KLHL32: variants seen among roughly 807,000 people sequenced by gnomAD.
KLHL32 encodes kelch like family member 32.
KLHL32 carries 35 observed loss-of-function variants against 64.8 expected under a neutral mutation model. That is an observed-to-expected ratio of 0.54 (90% CI 0.41 to 0.72). The LOEUF (loss-of-function observed/expected upper bound fraction) is 0.72. Ranked by LOEUF, KLHL32 falls within the 30% of genes least tolerant of loss-of-function variation. KLHL32 has a pLI of 0.00. For missense variants in KLHL32, 589 were observed against 768.5 expected, an observed-to-expected ratio of 0.77 and a Z score of 2.76; for synonymous variants, 259 against 281.0, an observed-to-expected ratio of 0.92 and a Z score of 0.78.
At chr6:96,945,536 A>G (rs779479622) in intron 1 of KLHL32, among the ~76,000 whole-genome samples, 1 of 152,192 alleles carries the variant, frequency 6.6e-6, no homozygotes, top group Non-Finnish European at 1.5e-5. Context: ...CCTTCACCCA[A>G]GCCTACTCAG....
chr6:97,086,775 G>C (rs955845885), intron 6 of KLHL32, among the ~76,000 whole-genome samples: 1 of 152,126 alleles, frequency 6.6e-6, no homozygotes, highest in South Asian at 2.1e-4. Flanking sequence ...ATTATCTCTG[G>C]CTCTCTCTTA....
Position 96,999,116 on chromosome 6 carries a change from T to C in KLHL32, c.204+22939T>C, listed in dbSNP as rs1263144786. 3.3e-5 allele frequency among the ~76,000 whole-genome samples: 5 copies of C among 152,270 alleles called. No homozygotes were observed. In the East Asian group the frequency reaches 9.6e-4, roughly 29 times the overall value. On this transcript the variant is annotated intron_variant, in intron 3 of 10. Transcript: ENST00000369261. ...ATTGCTTTCAAAAAGTATATTTCCC[T>C]TGGGCATGGATACTCATGCCTGTAA... is the stretch of plus-strand genomic sequence containing the variant.
intron 3 of KLHL32, among the ~76,000 whole-genome samples, chr6:97,015,421 C>A (rs1781023328): frequency 6.6e-6 from 1 of 152,160 alleles, no homozygotes; most frequent in South Asian, 2.1e-4. Context: ...ATGATGTAGA[C>A]AGTGAAGTCC....
chr6:96,949,055 C>G (rs1772257368), intron 1 of KLHL32, among the ~76,000 whole-genome samples: 1 of 152,154 alleles, frequency 6.6e-6, no homozygotes, highest in African/African-American at 2.4e-5. Flanking sequence ...ACAGTAAACA[C>G]CTGTTGACTC....
intron 4 of KLHL32, among the ~76,000 whole-genome samples, chr6:97,049,326 C>T (rs1786454932): frequency 6.6e-6 from 1 of 152,192 alleles, no homozygotes; most frequent in Admixed American, 6.5e-5. Context: ...GATACTGCCA[C>T]AGTGGTCTGA....
chr6:97,125,248 C>A (rs1262513439), intron 7 of KLHL32, among the ~76,000 whole-genome samples: 1 of 152,074 alleles, frequency 6.6e-6, no homozygotes, highest in Admixed American at 6.6e-5. Flanking sequence ...AATGATTGGC[C>A]TGGATAGGTT....
intron 7 of KLHL32, among the ~76,000 whole-genome samples, chr6:97,125,802 A>C (rs1206168): frequency 0.57 from 87,055 of 152,058 alleles, 26,576 homozygotes; most frequent in African/African-American, 0.79. Context: ...ACCGTCCTAC[A>C]TTCCCATAGA....
At chr6:96,973,932 G>T (rs962039069) in intron 2 of KLHL32, among the ~76,000 whole-genome samples, 3 of 151,942 alleles carry the variant, frequency 2.0e-5, no homozygotes, top group Non-Finnish European at 4.4e-5. Context: ...ATATTGGCCA[G>T]GCTGGTCTTG....
intron 3 of KLHL32, among the ~76,000 whole-genome samples, chr6:97,039,859 AAAG>A (rs1393896496): frequency 6.6e-5 from 10 of 152,072 alleles, no homozygotes; most frequent in East Asian, 3.9e-4. Flanking sequence ...CAAAGAAAGA[AAAG>A]AAAATCGCTC....
intron 1 of KLHL32, among the ~76,000 whole-genome samples, chr6:96,953,447 T>A (rs1394616307): frequency 6.6e-6 from 1 of 152,072 alleles, no homozygotes. Context: ...TTGACCAACA[T>A]GGCGAAACCC....
intron 1 of KLHL32, among the ~76,000 whole-genome samples, chr6:96,962,017 T>C (rs893683530): frequency 1.2e-4 from 19 of 152,332 alleles, no homozygotes; most frequent in African/African-American, 4.6e-4. Context: ...AGTGGGAGTT[T>C]AGTTATGTAT....
At chr6:96,987,420 C>T (rs1216599591) in intron 3 of KLHL32, among the ~76,000 whole-genome samples, 9 of 152,080 alleles carry the variant, frequency 5.9e-5, no homozygotes, top group South Asian at 2.1e-4. Context: ...TCTTTGTTCT[C>T]GTTGGCAAAC....
intron 10 of KLHL32, among the ~76,000 whole-genome samples, chr6:97,135,440 G>C (rs1799898331): frequency 6.6e-6 from 1 of 150,764 alleles, no homozygotes; most frequent in Non-Finnish European, 1.5e-5. Context: ...TGAGTAACTG[G>C]GATTTCAGGC....
intron 3 of KLHL32, among the ~76,000 whole-genome samples, chr6:96,997,930 C>T (rs1778593326): frequency 6.6e-6 from 1 of 152,124 alleles, no homozygotes; most frequent in African/African-American, 2.4e-5. Context: ...CATGTTGTTT[C>T]CTATTTGGTT....
intron 7 of KLHL32, among the ~76,000 whole-genome samples, chr6:97,115,702 AG>A (rs1797740807): frequency 6.6e-6 from 1 of 152,218 alleles, no homozygotes; most frequent in African/African-American, 2.4e-5. Context: ...CTCCTTTGAA[AG>A]GTTTTTCTAT....
intron 5 of KLHL32, among the ~76,000 whole-genome samples, chr6:97,073,743 A>T (rs1269220661): frequency 6.6e-6 from 1 of 152,162 alleles, no homozygotes; most frequent in African/African-American, 2.4e-5. Flanking sequence ...AAAGAAAAAA[A>T]ATCTGAATTT....
At chr6:97,000,757 C>T (rs927365265) in intron 3 of KLHL32, among the ~76,000 whole-genome samples, 4 of 152,066 alleles carry the variant, frequency 2.6e-5, no homozygotes, top group Non-Finnish European at 4.4e-5. Flanking sequence ...AAATACTGCA[C>T]ATAATTTCCA....
intron 10 of KLHL32, among the ~76,000 whole-genome samples, chr6:97,138,830 C>T (rs1800359715): frequency 6.6e-6 from 1 of 152,130 alleles, no homozygotes; most frequent in South Asian, 2.1e-4. Flanking sequence ...TTGTCTAAGG[C>T]AGTTTTCTTA....
At chr6:96,961,578 C>G (rs1773887746) in intron 1 of KLHL32, among the ~76,000 whole-genome samples, 3 of 152,240 alleles carry the variant, frequency 2.0e-5, no homozygotes, top group African/African-American at 7.2e-5. Context: ...ACTTTATTCA[C>G]AAGGCTGCAA....
Sources: gnomAD v4.1 joint callset for allele counts (sites outside exome capture counted in the v4.1 genomes callset) on GRCh38, gnomAD v4.1.1 for gene constraint, MANE v1.5 for transcripts, NCBI Gene and HGNC (gene_info 2026-07-23, HGNC 2026-07-21) for gene names.